Variants in TNFSF4 observed in about 807,000 individuals in gnomAD.
TNFSF4 encodes the protein tumor necrosis factor ligand superfamily member 4.
TNFSF4 carries 4 observed loss-of-function variants against 7.3 expected under a neutral mutation model. That is an observed-to-expected ratio of 0.55 (90% confidence interval 0.27 to 1.25). TNFSF4 has a LOEUF of 1.25. TNFSF4 is among the 50% of genes most tolerant of loss of function. TNFSF4 has a pLI of 0.12. For missense variants in TNFSF4, 181 were observed against 208.8 expected (o/e 0.87, Z 0.82); for synonymous variants, 76 against 83.7 (o/e 0.91, Z 0.50).
the TNFSF4 span, among the ~76,000 whole-genome samples, chr1:173,388,661 T>C: frequency 6.6e-6 from 1 of 152,234 alleles, no homozygotes; most frequent in East Asian, 1.9e-4. Flanking sequence ...AAGAGATTTA[T>C]AAAAATGTCA....
At chr1:173,235,793 T>C in the TNFSF4 span, among the ~76,000 whole-genome samples, 2 of 152,192 alleles carry the variant, frequency 1.3e-5, no homozygotes, top group Admixed American at 6.5e-5. Flanking sequence ...CAACAAATTT[T>C]TAAGTGTACA....
At chr1:173,385,330 A>G in the TNFSF4 span, among the ~76,000 whole-genome samples, 1 of 152,250 alleles carries the variant, frequency 6.6e-6, no homozygotes, top group Non-Finnish European at 1.5e-5. Flanking sequence ...AGAAAGCATT[A>G]TTTTAACCCT....
intron 1 of TNFSF4, 136 bp from the exon 2 acceptor site, chr1:173,188,705 T>G (rs916477880): frequency 5.9e-5 from 43 of 727,254 alleles, no homozygotes; most frequent in Middle Eastern, 2.8e-4. Flanking sequence ...ACTTGACTTT[T>G]TTGTTGTTGT....
At chr1:173,191,111 T>C (rs1553211710) in intron 1 of TNFSF4, among the ~76,000 whole-genome samples, 1 of 152,184 alleles carries the variant, frequency 6.6e-6, no homozygotes, top group Non-Finnish European at 1.5e-5. Context: ...TCCAAAAATA[T>C]CCTGCAACTT....
intron 1 of TNFSF4, chr1:173,205,445 A>G (rs1047705106): frequency 4.5e-6 from 7 of 1,564,068 alleles, no homozygotes; most frequent in Non-Finnish European, 6.1e-6. Flanking sequence ...TGATAGTCCA[A>G]TGTGACCCCA....
At chr1:173,271,753 G>C in the TNFSF4 span, among the ~76,000 whole-genome samples, 1 of 152,112 alleles carries the variant, frequency 6.6e-6, no homozygotes, top group Non-Finnish European at 1.5e-5. Context: ...GTTGGTGGGA[G>C]TGTAAACTAG....
the TNFSF4 span, among the ~76,000 whole-genome samples, chr1:173,384,524 T>C: frequency 6.6e-6 from 1 of 152,122 alleles, no homozygotes; most frequent in African/African-American, 2.4e-5. Context: ...GAACCATCCT[T>C]GCCCTCCCCC....
chr1:173,446,957 C>A, the TNFSF4 span, among the ~76,000 whole-genome samples: 1 of 152,190 alleles, frequency 6.6e-6, no homozygotes, highest in Admixed American at 6.5e-5. Flanking sequence ...CTAATAAACT[C>A]CCCTTCATAT....
At chr1:173,283,274 T>G in the TNFSF4 span, among the ~76,000 whole-genome samples, 1 of 152,048 alleles carries the variant, frequency 6.6e-6, no homozygotes, top group Non-Finnish European at 1.5e-5. Flanking sequence ...AATCAACAAC[T>G]TTCTCACCCC....
the TNFSF4 span, among the ~76,000 whole-genome samples, chr1:173,250,605 G>T: frequency 9.5e-4 from 144 of 152,126 alleles, no homozygotes; most frequent in African/African-American, 3.2e-3. Flanking sequence ...GACTACAGGC[G>T]ACTGCCACCA....
the TNFSF4 span, among the ~76,000 whole-genome samples, chr1:173,322,921 A>G: frequency 6.6e-6 from 1 of 152,194 alleles, no homozygotes; most frequent in Non-Finnish European, 1.5e-5. Flanking sequence ...ACCACAGCTC[A>G]AGGAGGCCTG....
chr1:173,297,476 C>A, the TNFSF4 span, among the ~76,000 whole-genome samples: 1 of 151,928 alleles, frequency 6.6e-6, no homozygotes, highest in Non-Finnish European at 1.5e-5. Flanking sequence ...CCTGAAGTAA[C>A]AGAAAGCACA....
At chr1:173,340,735 T>C in the TNFSF4 span, among the ~76,000 whole-genome samples, 7 of 152,038 alleles carry the variant, frequency 4.6e-5, no homozygotes, top group South Asian at 1.5e-3. Context: ...GGTTTTAGAA[T>C]GGGAATGAGG....
the TNFSF4 span, among the ~76,000 whole-genome samples, chr1:173,318,296 C>T: frequency 4.9e-5 from 7 of 143,454 alleles, no homozygotes; most frequent in East Asian, 2.0e-4. Context: ...AAAAGTTAGC[C>T]GGACGTGGTG....
At chr1:173,416,669 C>T in the TNFSF4 span, among the ~76,000 whole-genome samples, 1 of 80,782 alleles carries the variant, frequency 1.2e-5, no homozygotes, top group East Asian at 4.6e-4. Flanking sequence ...CACTCTGTTG[C>T]CCAGGCTGGA....
rs1649115963 is a variant in TNFSF4 at position 173,183,941 on chromosome 1, A to T, written c.*2575T>A. The T allele has an allele frequency of 1.3e-5, 2 of 152,190 alleles. No homozygotes were observed. Among genetic ancestry groups the T allele is most frequent in the South Asian group, 2.1e-4 (1 of 4,826 alleles). The allele number at this position is 152,190 out of a possible 1,614,324, so 9.4% of individuals were successfully genotyped here. ...TCCCTTAAGCATTCTCTAAATAGAA[A>T]ATATCTAACTAACAATTGATAACTG... On this transcript the variant is annotated 3_prime_UTR_variant, in exon 3 of 3. Transcript: ENST00000281834.
At chr1:173,315,931 C>T in the TNFSF4 span, among the ~76,000 whole-genome samples, 12 of 152,002 alleles carry the variant, frequency 7.9e-5, no homozygotes, top group Non-Finnish European at 1.6e-4. Context: ...TTTGCTTTTG[C>T]TGCCTGAGCT....
the TNFSF4 span, among the ~76,000 whole-genome samples, chr1:173,228,173 C>A: frequency 6.6e-6 from 1 of 152,198 alleles, no homozygotes; most frequent in African/African-American, 2.4e-5. Flanking sequence ...CTGGGAGGCA[C>A]CCCCGAGTAG....
chr1:173,213,024 G>A, the TNFSF4 span, among the ~76,000 whole-genome samples: 2 of 152,106 alleles, frequency 1.3e-5, no homozygotes, highest in African/African-American at 4.8e-5. Context: ...ACTGTTCACA[G>A]GACCAGAAAT....
Sources: gnomAD v4.1 joint callset for allele counts (sites outside exome capture counted in the v4.1 genomes callset) on GRCh38, gnomAD v4.1.1 for gene constraint, MANE v1.5 for transcripts, NCBI Gene and HGNC (gene_info 2026-07-23, HGNC 2026-07-21) for gene names.